Variants in FSD1L observed in about 807,000 individuals in gnomAD.
The protein encoded by FSD1L is FSD1-like protein.
Under a neutral mutation model 71.6 loss-of-function variants are expected in FSD1L, and 45 were observed. That is an observed-to-expected ratio of 0.63 (90% CI 0.49 to 0.81). FSD1L has a LOEUF of 0.81. Among genes scored for constraint, FSD1L ranks in the 30% least tolerant of loss-of-function variants. FSD1L has a pLI of 0.00. For synonymous variants in FSD1L, 197 were observed against 207.2 expected (o/e 0.95, Z 0.42); for missense variants, 561 against 618.1 (o/e 0.91, Z 0.98).
chr9:105,489,710 G>A (rs1241671355), intron 7 of FSD1L, among the ~76,000 whole-genome samples: 1 of 152,104 alleles, frequency 6.6e-6, no homozygotes, highest in Non-Finnish European at 1.5e-5. Context: ...ATGTGTCCAT[G>A]TGTTCTCATT....
chr9:105,530,907 C>T, intron 10 of FSD1L: 1 of 238,730 alleles, frequency 4.2e-6, no homozygotes, highest in Non-Finnish European at 8.0e-6. Flanking sequence ...TATTGTACAC[C>T]TACTCTGTAC....
At chr9:105,508,130 C>T (rs1433493046) in intron 8 of FSD1L, among the ~76,000 whole-genome samples, 1 of 149,588 alleles carries the variant, frequency 6.7e-6, no homozygotes, top group Non-Finnish European at 1.5e-5. Flanking sequence ...TCCCAAAGTG[C>T]TGGGATTACA....
chr9:105,469,819 G>T (rs77235851), intron 4 of FSD1L, among the ~76,000 whole-genome samples: 4 of 150,332 alleles, frequency 2.7e-5, no homozygotes, highest in South Asian at 4.2e-4. Flanking sequence ...TGCTTTCATT[G>T]TCATATCCAG....
intron 5 of FSD1L, among the ~76,000 whole-genome samples, chr9:105,476,337 C>G (rs887928344): frequency 2.0e-5 from 3 of 152,112 alleles, no homozygotes; most frequent in Admixed American, 6.5e-5. Context: ...TGTTTTTAAA[C>G]TAAATCTTAC....
At chr9:105,485,048 A>T (rs895875057) in intron 7 of FSD1L, among the ~76,000 whole-genome samples, 2 of 152,206 alleles carry the variant, frequency 1.3e-5, no homozygotes, top group Non-Finnish European at 2.9e-5. Context: ...TTATTTTATT[A>T]AAGTATTAAC....
rs531391433 is a variant in FSD1L at position 105,520,187 on chromosome 9, C to T, written c.1025+7251C>T. ...AGTCCACCCAGAAGGTGCTAGACACCAAGAAGGACGCACTGACTCGCCTCA... is the reference window on the plus strand; with the variant it reads ...AGTCCACCCAGAAGGTGCTAGACACTAAGAAGGACGCACTGACTCGCCTCA... On this transcript the variant is annotated intron_variant, in intron 10 of 13. Transcript: ENST00000481272. The T allele has an allele frequency of 2.2e-4, 358 of 1,611,406 alleles. 4 individuals are homozygous for T. The African/African-American group carries it at 2.4e-3, about 11-fold the overall frequency.
At chr9:105,525,709 G>A (rs924179034) in intron 10 of FSD1L, 1 of 1,606,390 alleles carries the variant, frequency 6.2e-7, no homozygotes, top group African/African-American at 1.3e-5. Flanking sequence ...AGGACAAGAA[G>A]ACAAACACTC....
upstream of FSD1L, among the ~76,000 whole-genome samples, chr9:105,444,312 G>A (rs1829596203): frequency 6.6e-6 from 1 of 152,158 alleles, no homozygotes; most frequent in Non-Finnish European, 1.5e-5. Context: ...CTACTATTCT[G>A]ATCGGTATGT....
At position 105,506,600 on chromosome 9, in the gene FSD1L, C is replaced by A; in HGVS notation, c.788C>A (p.Thr263Lys). The A allele has an allele frequency of 6.5e-7, 1 of 1,532,744 alleles. No homozygotes were observed. Among genetic ancestry groups the A allele is most frequent in the Non-Finnish European group, 8.8e-7 (1 of 1,130,050 alleles). The allele number at this position is 1,532,744 out of a possible 1,614,324, so 94.9% of individuals were successfully genotyped here. ...IIDNIKGTEY[T>K]LSGLKFDSKY... The stretch of plus-strand genomic sequence containing the variant: ...GATAATATTAAGGGTACTGAATATA[C>A]ACTATCAGGTAACATGACTGCATTT... Residue 263 changes from threonine (T) to lysine (K), a missense_variant, in exon 8 of 14, where the codon ACA (threonine) becomes AAA (lysine). Thr to Lys is a moderately conservative substitution (Grantham distance 78, BLOSUM62 -1). Around this residue, in one of 3 missense-constraint regions of FSD1L, gnomAD observed 410 missense variants for 413.5 expected, o/e 0.99. Coordinates refer to ENST00000481272, the MANE Select transcript of FSD1L (RefSeq NM_001145313.3).
At chr9:105,509,714 G>T (rs1265694494) in intron 9 of FSD1L, among the ~76,000 whole-genome samples, 1 of 152,176 alleles carries the variant, frequency 6.6e-6, no homozygotes, top group Non-Finnish European at 1.5e-5. Flanking sequence ...CATCACAAAG[G>T]TCTGAAATAA....
rs139440568 is a variant in FSD1L, at chr9:105,528,562, G to A, written c.1026-5931G>A. Among the ~76,000 whole-genome samples the A allele has an allele frequency of 7.9e-3, 1,208 of 152,284 alleles. 10 individuals carry two copies. Among genetic ancestry groups the A allele is most frequent in the Middle Eastern group, 0.02 (6 of 294 alleles). On this transcript the variant is annotated intron_variant, in intron 10 of 13. Transcript: ENST00000481272. ...ATTCCCTATTTAATAAATGGTGTTG[G>A]GAGAACTGGCTAGCTATGCAGAAAA...
chr9:105,497,111 G>A (rs771249230), intron 7 of FSD1L, among the ~76,000 whole-genome samples: 1 of 151,900 alleles, frequency 6.6e-6, no homozygotes, highest in Non-Finnish European at 1.5e-5. Context: ...GCATTTTTTG[G>A]CATCTATTTT....
chr9:105,487,872 G>C (rs1013887753), intron 7 of FSD1L, among the ~76,000 whole-genome samples: 4 of 152,140 alleles, frequency 2.6e-5, no homozygotes, highest in Admixed American at 2.6e-4. Flanking sequence ...AAAATAAACT[G>C]TAGTTTTAGA....
intron 1 of FSD1L, among the ~76,000 whole-genome samples, chr9:105,449,168 A>G (rs1829829082): frequency 6.6e-6 from 1 of 152,228 alleles, no homozygotes; most frequent in Non-Finnish European, 1.5e-5. Flanking sequence ...CACGGGAAAG[A>G]CTTAGAACAA....
chr9:105,490,042 A>G (rs1832818958), intron 7 of FSD1L, among the ~76,000 whole-genome samples: 1 of 152,190 alleles, frequency 6.6e-6, no homozygotes, highest in South Asian at 2.1e-4. Context: ...GCTGGGTCAA[A>G]TGGTATTTCT....
rs918850791 is a variant in FSD1L, at chr9:105,547,760, C to A, written c.*1277C>A. On this transcript the variant is annotated 3_prime_UTR_variant, in exon 14 of 14. Coordinates refer to ENST00000481272, the MANE Select transcript of FSD1L (RefSeq NM_001145313.3). ...TGTAACTCACATCCTTTGAGCTAAA[C>A]TAAATTAAAATTACAGTATTTAATA... 3 of 152,088 alleles carry A rather than the reference C, an allele frequency of 2.0e-5. No individual in the cohort carries two copies. The highest frequency in any genetic ancestry group is 2.0e-4 in the Admixed American group (3 of 15,266). The allele number at this position is 152,088 out of a possible 1,614,324, so 9.4% of individuals were successfully genotyped here.
chr9:105,479,279 G>C, intron 5 of FSD1L, 75 bp from the exon 6 acceptor site: 1 of 1,323,812 alleles, frequency 7.6e-7, no homozygotes, highest in Non-Finnish European at 1.1e-6. Context: ...AACTTTTCTT[G>C]CATGTCACTG....
intron 10 of FSD1L, among the ~76,000 whole-genome samples, chr9:105,532,403 T>TA (rs1332323954): frequency 6.6e-6 from 1 of 152,258 alleles, no homozygotes; most frequent in Non-Finnish European, 1.5e-5. Context: ...TAATGACTCT[T>TA]ACAAGTATTG....
intron 10 of FSD1L, among the ~76,000 whole-genome samples, chr9:105,533,726 G>A (rs969772447): frequency 3.5e-5 from 5 of 144,808 alleles, no homozygotes; most frequent in Non-Finnish European, 4.5e-5. Context: ...CAGCCCCCCC[G>A]TCCCTTTTTT....
Sources: gnomAD v4.1 joint callset for allele counts (sites outside exome capture counted in the v4.1 genomes callset) on GRCh38, gnomAD v4.1.1 for gene constraint, gnomAD v4.1.1 regional missense constraint, MANE v1.5 for transcripts, NCBI Gene and HGNC (gene_info 2026-07-23, HGNC 2026-07-21) for gene names.